Variants in PTPRR observed in about 807,000 individuals in gnomAD.
PTPRR encodes the protein receptor-type tyrosine-protein phosphatase R.
In PTPRR, 38 loss-of-function variants were observed where a neutral mutation model predicts 77.2. The ratio of observed to expected loss-of-function variants is 0.49; its 90% confidence interval spans 0.38 to 0.65. The LOEUF is 0.65. Among genes scored for constraint, PTPRR ranks in the 30% least tolerant of loss-of-function variants. The pLI, the probability that PTPRR is intolerant of heterozygous loss-of-function variation, is 0.00. For synonymous variants in PTPRR, 299 were observed against 283.1 expected (o/e 1.06, Z -0.57); for missense variants, 744 against 799.2 (o/e 0.93, Z 0.83).
At chr12:70,747,909 T>C (rs966582298) in intron 5 of PTPRR, among the ~76,000 whole-genome samples, 7 of 152,294 alleles carry the variant, frequency 4.6e-5, no homozygotes, top group South Asian at 2.1e-4. Context: ...AATTAAGCTA[T>C]AAGGCAGTGA....
chr12:70,705,037 A>G (rs1359311999), intron 6 of PTPRR, among the ~76,000 whole-genome samples: 1 of 152,210 alleles, frequency 6.6e-6, no homozygotes, highest in Admixed American at 6.5e-5. Context: ...AAAGATACCA[A>G]TGCAAACAAT....
intron 2 of PTPRR, among the ~76,000 whole-genome samples, chr12:70,841,327 A>G (rs1892394180): frequency 6.6e-6 from 1 of 152,158 alleles, no homozygotes; most frequent in Non-Finnish European, 1.5e-5. Context: ...TTATCAGTGT[A>G]GTGTGGGCAC....
intron 6 of PTPRR, among the ~76,000 whole-genome samples, chr12:70,727,454 A>G (rs1266472780): frequency 6.6e-6 from 1 of 152,240 alleles, no homozygotes; most frequent in Non-Finnish European, 1.5e-5. Context: ...ATAAATGTAC[A>G]TAACTTATGA....
intron 2 of PTPRR, among the ~76,000 whole-genome samples, chr12:70,843,168 T>G (rs1277855891): frequency 6.6e-6 from 1 of 152,146 alleles, no homozygotes; most frequent in African/African-American, 2.4e-5. Flanking sequence ...GAGCAGCCAC[T>G]GAAAAAAGGA....
chr12:70,669,826 C>T (rs551836665), intron 10 of PTPRR, among the ~76,000 whole-genome samples: 1 of 152,160 alleles, frequency 6.6e-6, no homozygotes, highest in Admixed American at 6.5e-5. Flanking sequence ...TCTCGAATTC[C>T]TGGCCACAAG....
chr12:70,742,850 C>T (rs946094187), intron 6 of PTPRR, among the ~76,000 whole-genome samples: 2 of 151,976 alleles, frequency 1.3e-5, no homozygotes, highest in African/African-American at 2.4e-5. Context: ...AAAAACAACA[C>T]GGAGAAGCTG....
intron 2 of PTPRR, among the ~76,000 whole-genome samples, chr12:70,831,763 T>C (rs1444246636): frequency 1.3e-5 from 2 of 152,170 alleles, no homozygotes; most frequent in African/African-American, 2.4e-5. Flanking sequence ...AAGCCTTTCC[T>C]ATCTCAAGTC....
chr12:70,757,419 T>A (rs1890588235), intron 4 of PTPRR, among the ~76,000 whole-genome samples: 1 of 152,186 alleles, frequency 6.6e-6, no homozygotes, highest in Non-Finnish European at 1.5e-5. Flanking sequence ...TTAATTTTAT[T>A]TTCCTGGGAT....
rs542303025 is a variant in PTPRR, at chr12:70,830,063, T to G, written c.357+62616A>C. On this transcript the variant is annotated intron_variant, in intron 2 of 13. Transcript: ENST00000283228. Reference sequence around the variant, plus strand: ...CCAGCACTCATTCTCCTACTCTGCATTCCCTCCAAGGGAACAGCAAGACCT... The same window carrying G: ...CCAGCACTCATTCTCCTACTCTGCAGTCCCTCCAAGGGAACAGCAAGACCT... Among the ~76,000 whole-genome samples the G allele has an allele frequency of 9.2e-5, 14 of 152,202 alleles. No individual in the cohort carries two copies. The East Asian group carries it at 2.7e-3, about 29-fold the overall frequency.
intron 8 of PTPRR, among the ~76,000 whole-genome samples, chr12:70,693,424 G>T (rs777491052): frequency 2.0e-5 from 3 of 152,056 alleles, no homozygotes; most frequent in Non-Finnish European, 4.4e-5. Context: ...AGCCTCCCAA[G>T]TAGCTGGGAC....
At chr12:70,875,801 C>T (rs1893042257) in intron 2 of PTPRR, among the ~76,000 whole-genome samples, 2 of 152,012 alleles carry the variant, frequency 1.3e-5, no homozygotes, top group South Asian at 4.1e-4. Flanking sequence ...GATTATGTTC[C>T]AATAAACAAA....
intron 2 of PTPRR, among the ~76,000 whole-genome samples, chr12:70,857,675 G>T (rs1431619777): frequency 1.3e-5 from 2 of 152,106 alleles, no homozygotes; most frequent in African/African-American, 2.4e-5. Context: ...TATATAGAGT[G>T]AATATGGTTG....
intron 4 of PTPRR, among the ~76,000 whole-genome samples, chr12:70,760,483 C>T (rs1890667052): frequency 6.6e-6 from 1 of 152,214 alleles, no homozygotes; most frequent in South Asian, 2.1e-4. Flanking sequence ...GGTGAATAGA[C>T]CAGGGATCAG....
At chr12:70,647,946 T>A (rs1448274435) in intron 13 of PTPRR, among the ~76,000 whole-genome samples, 2 of 152,184 alleles carry the variant, frequency 1.3e-5, no homozygotes, top group African/African-American at 4.8e-5. Context: ...TTTTCCTGGT[T>A]TATATAGCAA....
chr12:70,855,685 C>G (rs1892639411), intron 2 of PTPRR, among the ~76,000 whole-genome samples: 1 of 152,186 alleles, frequency 6.6e-6, no homozygotes, highest in African/African-American at 2.4e-5. Flanking sequence ...GACTACCTCA[C>G]TGAGATACTT....
intron 2 of PTPRR, among the ~76,000 whole-genome samples, chr12:70,877,991 C>A (rs1893081582): frequency 6.6e-6 from 1 of 152,044 alleles, no homozygotes; most frequent in African/African-American, 2.4e-5. Context: ...GAAAAACAAG[C>A]AATGGGGAAA....
Position 70,731,600 on chromosome 12 carries a change from A to G in PTPRR, c.1007+14218T>C, listed in dbSNP as rs1592713905. On this transcript the variant is annotated intron_variant, in intron 6 of 13. Coordinates refer to ENST00000283228, the MANE Select transcript of PTPRR (RefSeq NM_002849.4). ...CAGAGGGGCCACGACCACAGACCTT[A>G]AAAACCAATTGGCCACATAGGGTGG... Among the ~76,000 whole-genome samples, 7 of 152,332 alleles carry G rather than the reference A, an allele frequency of 4.6e-5. No homozygotes were observed. In the South Asian group the frequency reaches 1.5e-3, roughly 32 times the overall value.
chr12:70,683,725 A>C (rs1887757673), intron 10 of PTPRR, among the ~76,000 whole-genome samples: 1 of 152,188 alleles, frequency 6.6e-6, no homozygotes, highest in Non-Finnish European at 1.5e-5. Flanking sequence ...AGAAAGTTAA[A>C]ATCTACCAAG....
chr12:70,657,107 T>C (rs559807663), intron 12 of PTPRR, among the ~76,000 whole-genome samples: 127 of 152,186 alleles, frequency 8.3e-4, no homozygotes, highest in African/African-American at 3.0e-3. Flanking sequence ...TTAGGCAAGA[T>C]ACAGGCAGTA....
Sources: allele counts gnomAD v4.1 joint callset (sites outside exome capture counted in the v4.1 genomes callset), GRCh38; gene constraint gnomAD v4.1.1; transcripts MANE v1.5; gene names NCBI Gene and HGNC (gene_info 2026-07-23, HGNC 2026-07-21).